Variants in CLIC5 observed in about 807,000 individuals in gnomAD.
CLIC5 encodes the protein chloride intracellular channel protein 5.
CLIC5 carries 20 observed loss-of-function variants against 24.7 expected under a neutral mutation model. That is an observed-to-expected ratio of 0.81 (90% CI 0.57 to 1.18). CLIC5 has a LOEUF of 1.18. Among genes scored for constraint, CLIC5 ranks in the 50% most tolerant of loss-of-function variants. CLIC5 has a pLI of 0.00. For missense variants in CLIC5, 341 were observed against 326.1 expected (o/e 1.05, Z -0.35); for synonymous variants, 159 against 135.6 (o/e 1.17, Z -1.20).
intron 3 of CLIC5, 85 bp downstream of exon 3, chr6:45,949,171 A>T: frequency 6.7e-7 from 1 of 1,500,922 alleles, no homozygotes; most frequent in Non-Finnish European, 9.0e-7. Flanking sequence ...TTGGAAATGC[A>T]TCTGCCCGAA....
At position 45,914,426 on chromosome 6, in the gene CLIC5, A is replaced by G; in HGVS notation, c.407-17T>C. 1 of 1,548,796 alleles carries G rather than the reference A, an allele frequency of 6.5e-7. No individual in the cohort carries two copies. Among genetic ancestry groups the G allele is most frequent in the Non-Finnish European group, 8.8e-7 (1 of 1,137,988 alleles). The stretch of plus-strand genomic sequence containing the variant: ...TTTCAAGAGCTGGCATGAAAGAGTA[A>G]AAGGGCCTTTATTCAAACTTCTTGC... On this transcript the variant is annotated splice_polypyrimidine_tract_variant and intron_variant, in intron 4 of 5. Coordinates refer to ENST00000339561, the MANE Select transcript of CLIC5 (RefSeq NM_016929.5).
upstream of CLIC5, among the ~76,000 whole-genome samples, chr6:46,084,293 T>C (rs1762985226): frequency 6.6e-6 from 1 of 152,126 alleles, no homozygotes; most frequent in Non-Finnish European, 1.5e-5. Context: ...TTAATATTGT[T>C]ATGTGTGAAT....
chr6:45,887,043 G>T (rs185229752), intron 6 of CLIC5, among the ~76,000 whole-genome samples: 1 of 152,128 alleles, frequency 6.6e-6, no homozygotes, highest in Admixed American at 6.5e-5. Flanking sequence ...CACCTTTGAC[G>T]CAGCAGACAG....
At chr6:45,922,610 C>T (rs1359804204) in intron 4 of CLIC5, among the ~76,000 whole-genome samples, 1 of 152,078 alleles carries the variant, frequency 6.6e-6, no homozygotes, top group Non-Finnish European at 1.5e-5. Context: ...TTTAGCATGC[C>T]TTTAGTATAA....
Position 45,949,365 on chromosome 6 carries a change from G to T in CLIC5, c.190C>A (p.His64Asn), listed in dbSNP as rs1764394831. ...GGGTGCGTGCCGGGGGCTAGGTTGT[G>T]CAGGTCAGCTGGCTTTCTGTAGAGA... is the stretch of plus-strand genomic sequence containing the variant. ...VDLKRKPADL[H>N]NLAPGTHPPF... The change falls in exon 3 of 6, where the codon CAC (histidine) becomes AAC (asparagine). Residue 64 changes from histidine to asparagine, a missense_variant. Transcript: ENST00000339561. 2 of 1,613,678 alleles carry T rather than the reference G, an allele frequency of 1.2e-6. No homozygotes were observed. Among genetic ancestry groups the T allele is most frequent in the Non-Finnish European group, 1.7e-6 (2 of 1,179,726 alleles).
At chr6:46,110,047 C>G in the CLIC5 span, among the ~76,000 whole-genome samples, 4 of 152,118 alleles carry the variant, frequency 2.6e-5, no homozygotes, top group Non-Finnish European at 5.9e-5. Flanking sequence ...TGGAACGGGT[C>G]TAGACTTGCT....
chr6:46,052,023 T>C lies in CLIC5; in HGVS notation c.540+27680A>G, dbSNP rs1360155381. 2.0e-5 allele frequency among the ~76,000 whole-genome samples: 3 copies of C among 152,134 alleles called. No homozygotes were observed. The East Asian group carries it at 5.8e-4, about 29-fold the overall frequency. ...ACCTGCATTCAGCAAACATTGTTAA[T>C]GTCTACTGTTTTGCACTCCCAGGGC... On this transcript the variant is annotated intron_variant, in intron 1 of 5. Transcript: ENST00000185206.
intron 2 of CLIC5, among the ~76,000 whole-genome samples, chr6:45,950,335 A>G (rs528530094): frequency 6.6e-6 from 1 of 151,858 alleles, no homozygotes; most frequent in South Asian, 2.1e-4. Context: ...GTGAGGTGGG[A>G]GGATCACTTG....
intron 4 of CLIC5, among the ~76,000 whole-genome samples, chr6:45,918,604 T>C (rs545362516): frequency 2.0e-5 from 3 of 152,370 alleles, no homozygotes; most frequent in African/African-American, 7.2e-5. Flanking sequence ...ATATGGTTTT[T>C]CTCTTGTATG....
At chr6:45,938,387 G>A (rs764578339) in intron 4 of CLIC5, among the ~76,000 whole-genome samples, 25 of 152,198 alleles carry the variant, frequency 1.6e-4, no homozygotes, top group Non-Finnish European at 3.2e-4. Context: ...CAACTCGGGG[G>A]TATTGGGTGG....
chr6:45,955,164 C>CACGA lies in CLIC5; in HGVS notation c.140_143dup (p.Phe49ArgfsTer15). 6.2e-7 allele frequency: 1 copy of CACGA among 1,613,816 alleles called. No individual in the cohort carries two copies. Among genetic ancestry groups the CACGA allele is most frequent in the Non-Finnish European group, 8.5e-7 (1 of 1,179,752 alleles). ...TCAGATCCACAGTGGTGACATTGAA[C>CACGA]ACGACTCCTTTCAGCCAGAGGATCA... On this transcript the variant is annotated frameshift_variant, in exon 2 of 6. Coordinates refer to ENST00000339561, the MANE Select transcript of CLIC5 (RefSeq NM_016929.5). LOFTEE classifies it high-confidence loss of function.
chr6:45,905,100 C>T (rs1762621330), intron 5 of CLIC5, among the ~76,000 whole-genome samples: 2 of 152,022 alleles, frequency 1.3e-5, no homozygotes, highest in Non-Finnish European at 2.9e-5. Context: ...TGTATATGTA[C>T]CATGTTTTGT....
chr6:46,047,714 T>C (rs944233740), intron 1 of CLIC5, among the ~76,000 whole-genome samples: 15 of 152,228 alleles, frequency 9.9e-5, no homozygotes, highest in African/African-American at 3.6e-4. Context: ...CAACTATTAA[T>C]ACTAAAAGTC....
At chr6:46,006,335 G>A (rs1201527109) in intron 1 of CLIC5, among the ~76,000 whole-genome samples, 1 of 147,770 alleles carries the variant, frequency 6.8e-6, no homozygotes, top group Non-Finnish European at 1.5e-5. Context: ...TAGTAGAGAC[G>A]GGGTTTCACC....
At chr6:46,036,607 G>A (rs1018836966) in intron 1 of CLIC5, among the ~76,000 whole-genome samples, 15 of 152,184 alleles carry the variant, frequency 9.9e-5, no homozygotes, top group African/African-American at 3.6e-4. Flanking sequence ...ACTGCGCCAG[G>A]CCGACTGCAA....
At chr6:46,015,097 T>C (rs1766949629) in intron 1 of CLIC5, among the ~76,000 whole-genome samples, 1 of 152,144 alleles carries the variant, frequency 6.6e-6, no homozygotes, top group African/African-American at 2.4e-5. Context: ...CTCCCCCTCC[T>C]CCCGTTTTAA....
At chr6:46,117,237 C>G in the CLIC5 span, among the ~76,000 whole-genome samples, 46 of 152,226 alleles carry the variant, frequency 3.0e-4, no homozygotes, top group South Asian at 8.7e-3. Flanking sequence ...CCAGGTTACC[C>G]CTTACTACCT....
At chr6:45,965,475 C>T (rs527675955) in intron 1 of CLIC5, among the ~76,000 whole-genome samples, 30 of 152,320 alleles carry the variant, frequency 2.0e-4, no homozygotes, top group Non-Finnish European at 3.4e-4. Context: ...TTTGTGTTCT[C>T]TCAACATCCG....
At chr6:45,952,477 G>A (rs907523948) in intron 2 of CLIC5, among the ~76,000 whole-genome samples, 3 of 152,118 alleles carry the variant, frequency 2.0e-5, no homozygotes, top group Non-Finnish European at 4.4e-5. Context: ...GGCCTGCCTC[G>A]ATAAATTCTC....
Sources: gnomAD v4.1 joint callset for allele counts (sites outside exome capture counted in the v4.1 genomes callset) on GRCh38, gnomAD v4.1.1 for gene constraint, MANE v1.5 for transcripts, NCBI Gene and HGNC (gene_info 2026-07-23, HGNC 2026-07-21) for gene names.